The following TBC1D1 variants were observed in gnomAD, a reference collection of about 807,000 sequenced individuals.
TBC1D1 encodes TBC1 (tre-2/USP6, BUB2, cdc16) domain family, member 1.
In TBC1D1, 89 loss-of-function variants were observed where a neutral mutation model predicts 125.6. The ratio of observed to expected loss-of-function variants is 0.71; its 90% CI spans 0.60 to 0.85. The LOEUF is 0.85. Ranked by LOEUF, TBC1D1 falls within the 40% of genes least tolerant of loss-of-function variation. The probability of loss-of-function intolerance (pLI) is 0.00; values close to 1 mark genes in which losing one functional copy is unlikely to be tolerated. For synonymous variants in TBC1D1, 565 were observed against 564.1 expected (o/e 1.00, Z -0.02); for missense variants, 1,377 against 1,469.2 (o/e 0.94, Z 1.03).
Position 38,118,118 on chromosome 4 carries a change from G to C in TBC1D1, c.2888G>C (p.Ser963Thr). The C allele has an allele frequency of 6.2e-7, 1 of 1,614,184 alleles. No homozygotes were observed. Among genetic ancestry groups the C allele is most frequent in the Non-Finnish European group, 8.5e-7 (1 of 1,180,024 alleles). Residue 963 changes from serine to threonine, a missense_variant, in exon 17 of 20, where the codon AGC (serine) becomes ACC (threonine). This residue lies in a region of TBC1D1 where 543 missense variants were observed against 613.5 expected (regional missense o/e 0.89). Coordinates refer to ENST00000261439, the MANE Select transcript of TBC1D1 (RefSeq NM_015173.4). ...CTGGAGGAGCACGAGATCGGCCCCAGCCTCTACGCTGCCCCCTGGTTCCTC... is the reference window on the plus strand; with the variant it reads ...CTGGAGGAGCACGAGATCGGCCCCACCCTCTACGCTGCCCCCTGGTTCCTC...
chr4:38,134,274 G>A (rs930489980), intron 19 of TBC1D1, among the ~76,000 whole-genome samples: 1 of 152,196 alleles, frequency 6.6e-6, no homozygotes, highest in Non-Finnish European at 1.5e-5. Flanking sequence ...CAAGCTATCT[G>A]AAATGCATTC....
At chr4:37,922,508 TGA>T (rs1437535832) in intron 2 of TBC1D1, among the ~76,000 whole-genome samples, 2 of 152,238 alleles carry the variant, frequency 1.3e-5, no homozygotes, top group Non-Finnish European at 2.9e-5. Context: ...TAAGCCGTCC[TGA>T]ATCATGTGCT....
Position 38,089,920 on chromosome 4 carries a change from C to T in TBC1D1, c.2051-12C>T, listed in dbSNP as rs1054616990. The T allele has an allele frequency of 6.4e-7, 1 of 1,550,826 alleles. No individual in the cohort carries two copies. Among genetic ancestry groups the T allele is most frequent in the African/African-American group, 1.4e-5 (1 of 72,038 alleles). On this transcript the variant is annotated splice_polypyrimidine_tract_variant and intron_variant, in intron 12 of 19. Transcript: ENST00000261439. ...AAAAATGACAATTCTGGAATGCCGTCTCCCTTTCCAGATTATTCAGAGCTG... is the reference window on the plus strand; with the variant it reads ...AAAAATGACAATTCTGGAATGCCGTTTCCCTTTCCAGATTATTCAGAGCTG...
chr4:37,998,370 T>A (rs1427682836), intron 2 of TBC1D1, among the ~76,000 whole-genome samples: 4 of 152,110 alleles, frequency 2.6e-5, no homozygotes, highest in Admixed American at 2.6e-4. Context: ...GCCCATTCTC[T>A]CCCCAGCAGC....
At chr4:38,136,436 G>A (rs1766630482) in intron 19 of TBC1D1, among the ~76,000 whole-genome samples, 1 of 152,156 alleles carries the variant, frequency 6.6e-6, no homozygotes, top group African/African-American at 2.4e-5. Context: ...GTGTTCCGGG[G>A]TAAATGCCTG....
chr4:37,927,329 A>G (rs534741438), intron 2 of TBC1D1, among the ~76,000 whole-genome samples: 48 of 152,316 alleles, frequency 3.2e-4, no homozygotes, highest in African/African-American at 1.0e-3. Flanking sequence ...TACAATTTTT[A>G]CAAAATTGAT....
chr4:37,941,786 G>T (rs1285746423), intron 2 of TBC1D1, among the ~76,000 whole-genome samples: 1 of 152,208 alleles, frequency 6.6e-6, no homozygotes, highest in Non-Finnish European at 1.5e-5. Flanking sequence ...TATGTACCCA[G>T]TAGTCATTCA....
chr4:38,004,791 G>A (rs1261286523), intron 2 of TBC1D1, among the ~76,000 whole-genome samples: 1 of 152,206 alleles, frequency 6.6e-6, no homozygotes, highest in Non-Finnish European at 1.5e-5. Context: ...TTTCTTTTAT[G>A]TGGATGTGTA....
intron 2 of TBC1D1, among the ~76,000 whole-genome samples, chr4:38,004,521 T>C (rs1739701936): frequency 6.6e-6 from 1 of 152,236 alleles, no homozygotes; most frequent in Admixed American, 6.5e-5. Context: ...AAAGAAATCT[T>C]GTACTTTCTT....
chr4:38,119,083 G>T (rs1389658970), intron 17 of TBC1D1, among the ~76,000 whole-genome samples: 2 of 152,124 alleles, frequency 1.3e-5, no homozygotes, highest in African/African-American at 4.8e-5. Context: ...CTAAAAAAAT[G>T]ATAGTTATTA....
chr4:37,995,792 C>T lies in TBC1D1; in HGVS notation c.418-18717C>T. ...CTCTCCAGCACCTTCTCCTGGATTGCTACCCCAAATCATTTGCATCCTCAG... is the reference window on the plus strand; with the variant it reads ...CTCTCCAGCACCTTCTCCTGGATTGTTACCCCAAATCATTTGCATCCTCAG... On this transcript the variant is annotated intron_variant, in intron 2 of 19. Coordinates refer to ENST00000261439, the MANE Select transcript of TBC1D1 (RefSeq NM_015173.4). The surrounding 1 kb of genome is among the most constrained non-coding windows in gnomAD (Gnocchi z 4.3). 1.9e-6 allele frequency: 1 copy of T among 540,078 alleles called. No homozygotes were observed. Among genetic ancestry groups the T allele is most frequent in the South Asian group, 1.4e-5 (1 of 71,590 alleles). The allele number at this position is 540,078 out of a possible 1,614,324, so 33.5% of individuals were successfully genotyped here.
chr4:37,904,614 T>C (rs930857815), intron 2 of TBC1D1, among the ~76,000 whole-genome samples: 2 of 152,250 alleles, frequency 1.3e-5, no homozygotes, highest in African/African-American at 2.4e-5. Flanking sequence ...TAATTGGGAC[T>C]TCCAGTCTTT....
intron 2 of TBC1D1, among the ~76,000 whole-genome samples, chr4:37,939,812 T>G (rs973558324): frequency 6.6e-6 from 1 of 152,222 alleles, no homozygotes; most frequent in African/African-American, 2.4e-5. Context: ...TTGTCAGGTT[T>G]GTCAAAGATC....
intron 18 of TBC1D1, among the ~76,000 whole-genome samples, chr4:38,128,221 G>T (rs1578851696): frequency 6.6e-6 from 1 of 151,912 alleles, no homozygotes; most frequent in African/African-American, 2.4e-5. Context: ...GTTTTTATCA[G>T]TGGTCCTTAT....
At chr4:37,957,110 A>C (rs112732986) in intron 2 of TBC1D1, among the ~76,000 whole-genome samples, 59 of 152,258 alleles carry the variant, frequency 3.9e-4, no homozygotes, top group African/African-American at 1.4e-3. Flanking sequence ...ATAAACATTT[A>C]GACTCCCTAC....
intron 7 of TBC1D1, 54 bp downstream of exon 7, chr4:38,027,933 G>A: frequency 7.5e-7 from 1 of 1,340,676 alleles, no homozygotes; most frequent in Non-Finnish European, 1.0e-6. Context: ...CAGCTTACCT[G>A]GGAAATGCTA....
Position 38,120,078 on chromosome 4 carries a change from A to T in TBC1D1, c.2962+1886A>T, listed in dbSNP as rs555108047. 50 of 985,404 alleles carry T rather than the reference A, an allele frequency of 5.1e-5. No individual in the cohort carries two copies. In the Admixed American group the frequency reaches 5.5e-4, roughly 11 times the overall value. The allele number at this position is 985,404 out of a possible 1,614,324, so 61.0% of individuals were successfully genotyped here. Reference sequence around the variant, plus strand: ...AAGCTCTCTGAAGCTCACTCTAATGACTTCATAAATCAAAGCTGCAGCTTG... The same window carrying T: ...AAGCTCTCTGAAGCTCACTCTAATGTCTTCATAAATCAAAGCTGCAGCTTG... On this transcript the variant is annotated intron_variant, in intron 17 of 19. Coordinates refer to ENST00000261439, the MANE Select transcript of TBC1D1 (RefSeq NM_015173.4).
rs1273572357 is a variant in TBC1D1 at position 37,947,231 on chromosome 4, A to G, written c.417+44719A>G. Among the ~76,000 whole-genome samples the G allele has an allele frequency of 2.0e-5, 3 of 152,294 alleles. No homozygotes were observed. In the East Asian group the frequency reaches 5.8e-4, roughly 29 times the overall value. On this transcript the variant is annotated intron_variant, in intron 2 of 19. Transcript: ENST00000261439. ...GAGTATAGTAGTGCCACTGCTGCTCACTGCAACCTCCACTTCCTGGGTTCA... is the reference window on the plus strand; with the variant it reads ...GAGTATAGTAGTGCCACTGCTGCTCGCTGCAACCTCCACTTCCTGGGTTCA...
intron 12 of TBC1D1, among the ~76,000 whole-genome samples, chr4:38,067,002 G>T (rs564897753): frequency 6.1e-4 from 93 of 151,666 alleles, no homozygotes; most frequent in African/African-American, 2.1e-3. Context: ...TCAGCCTCCC[G>T]AGTAGCTGGG....
Sources: allele counts gnomAD v4.1 joint callset (sites outside exome capture counted in the v4.1 genomes callset), GRCh38; gene constraint gnomAD v4.1.1; regional missense constraint gnomAD v4.1.1; non-coding constraint Gnocchi (gnomAD v3.1); transcripts MANE v1.5; gene names NCBI Gene and HGNC (gene_info 2026-07-23, HGNC 2026-07-21).